Variants in GKAP1 observed in about 807,000 individuals in gnomAD.
GKAP1 encodes G kinase-anchoring protein 1.
Under a neutral mutation model 56.7 loss-of-function variants are expected in GKAP1, and 31 were observed. That is an observed-to-expected ratio of 0.55 (90% CI 0.41 to 0.74). The LOEUF is 0.74. Among genes scored for constraint, GKAP1 ranks in the 30% least tolerant of loss-of-function variants. The pLI is 0.00. For synonymous variants in GKAP1, 151 were observed against 138.6 expected (o/e 1.09, Z -0.63); for missense variants, 364 against 402.3 (o/e 0.90, Z 0.82).
At chr9:83,813,068 G>C (rs1203142767) in intron 2 of GKAP1, among the ~76,000 whole-genome samples, 1 of 152,052 alleles carries the variant, frequency 6.6e-6, no homozygotes, top group Non-Finnish European at 1.5e-5. Flanking sequence ...TCATGGCTAG[G>C]GTTAGTATTC....
chr9:83,771,685 GC>G (rs975158794), intron 7 of GKAP1, among the ~76,000 whole-genome samples: 42 of 152,206 alleles, frequency 2.8e-4, no homozygotes, highest in African/African-American at 8.9e-4. Flanking sequence ...ATGTGCGATT[GC>G]TAAGGGATAC....
chr9:83,812,259 GTA>G lies in GKAP1; in HGVS notation c.-44+4735_-44+4736del, dbSNP rs527375496. On this transcript the variant is annotated intron_variant, in intron 2 of 12. Transcript: ENST00000376371. ...TACATATATACGTATATATGTATAC[GTA>G]TATATACACATATATATACACATAT... is the stretch of plus-strand genomic sequence containing the variant. Among the ~76,000 whole-genome samples the G allele has an allele frequency of 4.2e-5, 6 of 141,910 alleles. 1 individual carries two copies. The East Asian group carries it at 1.2e-3, about 29-fold the overall frequency. 93.1% of individuals were successfully genotyped at this position (141,910 alleles called of 152,430 possible).
Position 83,806,580 on chromosome 9 carries a change from T to A in GKAP1, c.-43-20A>T. The A allele has an allele frequency of 7.5e-7, 1 of 1,340,972 alleles. No homozygotes were observed. The highest frequency in any genetic ancestry group is 1.1e-6 in the Non-Finnish European group (1 of 950,208). The allele number at this position is 1,340,972 out of a possible 1,614,324, so 83.1% of individuals were successfully genotyped here. A position where few individuals can be genotyped will look rare whatever the true frequency, so the allele number is the denominator to read the frequency against. On this transcript the variant is annotated intron_variant, in intron 2 of 12. Transcript: ENST00000376371. ...TAATTTCTGTGGGGAGGCAGAAGAG[T>A]AGGCAGATGGGTAAACAAACAGAGT...
chr9:83,752,672 C>A lies in GKAP1; in HGVS notation c.840+586G>T, dbSNP rs145103050. Among the ~76,000 whole-genome samples the A allele has an allele frequency of 3.7e-3, 560 of 152,176 alleles. 9 individuals carry two copies. The highest frequency in any genetic ancestry group is 0.013 in the African/African-American group (525 of 41,520). On this transcript the variant is annotated intron_variant, in intron 9 of 12. Transcript: ENST00000376371. ...ATACTGTGTATAAAGGTACTTAATG[C>A]CCCACTGAATTGTACACTTTAAATG...
At chr9:83,765,401 A>C (rs1341029495) in intron 8 of GKAP1, among the ~76,000 whole-genome samples, 1 of 152,220 alleles carries the variant, frequency 6.6e-6, no homozygotes, top group Non-Finnish European at 1.5e-5. Flanking sequence ...TGTGGAAGGG[A>C]AATGTGGGGT....
chr9:83,792,556 A>G (rs1334061808), intron 4 of GKAP1, among the ~76,000 whole-genome samples: 1 of 152,220 alleles, frequency 6.6e-6, no homozygotes, highest in Non-Finnish European at 1.5e-5. Flanking sequence ...GAAGTGTGAA[A>G]GAATCAAAGA....
At chr9:83,815,313 T>C (rs924631316) in intron 2 of GKAP1, among the ~76,000 whole-genome samples, 8 of 151,864 alleles carry the variant, frequency 5.3e-5, no homozygotes, top group African/African-American at 1.9e-4. Context: ...GGTCTCACTA[T>C]GTTGCCCAGG....
At chr9:83,763,793 C>G (rs1665311391) in intron 8 of GKAP1, among the ~76,000 whole-genome samples, 2 of 152,148 alleles carry the variant, frequency 1.3e-5, no homozygotes, top group African/African-American at 4.8e-5. Flanking sequence ...AAATAATAAT[C>G]TATAACTTTC....
chr9:83,782,515 C>G (rs369131039), intron 6 of GKAP1, among the ~76,000 whole-genome samples: 2 of 151,600 alleles, frequency 1.3e-5, no homozygotes, highest in Non-Finnish European at 2.9e-5. Context: ...TGCACCACTA[C>G]GCCCAGCTAA....
intron 6 of GKAP1, 61 bp from the exon 7 acceptor site, chr9:83,780,465 TAA>T (rs200663185): frequency 0.011 from 2,326 of 209,708 alleles, no homozygotes; most frequent in South Asian, 0.032. Context: ...TACAAAAATG[TAA>T]AAAAAAAAAA....
chr9:83,806,652 T>C, intron 2 of GKAP1, 92 bp from the exon 3 acceptor site: 1 of 703,226 alleles, frequency 1.4e-6, no homozygotes, highest in Non-Finnish European at 2.3e-6. Context: ...ATAAAATAAA[T>C]TTCTTCTGAC....
intron 7 of GKAP1, among the ~76,000 whole-genome samples, chr9:83,769,558 G>GT (rs1478648555): frequency 6.6e-6 from 1 of 152,170 alleles, no homozygotes; most frequent in Non-Finnish European, 1.5e-5. Flanking sequence ...TATATGGCTT[G>GT]TATCAGCACT....
intron 3 of GKAP1, among the ~76,000 whole-genome samples, chr9:83,804,420 C>A (rs1944395727): frequency 7.2e-6 from 1 of 138,282 alleles, no homozygotes; most frequent in Non-Finnish European, 1.6e-5. Flanking sequence ...CCCCGCCCGG[C>A]CAGCCACCCC....
intron 12 of GKAP1, among the ~76,000 whole-genome samples, chr9:83,740,160 T>C (rs929154549): frequency 2.0e-5 from 3 of 152,192 alleles, no homozygotes; most frequent in Admixed American, 6.5e-5. Flanking sequence ...TCAAGTTCTG[T>C]TGCGTTTTGC....
Position 83,739,635 on chromosome 9 carries a change from T to C in GKAP1, c.*62A>G, listed in dbSNP as rs1034296543. 2.0e-5 allele frequency: 27 copies of C among 1,366,830 alleles called. No individual in the cohort carries two copies. The highest frequency in any genetic ancestry group is 1.8e-4 in the Middle Eastern group (1 of 5,422). 84.7% of individuals were successfully genotyped at this position (1,366,830 alleles called of 1,614,324 possible). ...TTTAGCAGTTGCACAGCATTAAATA[T>C]ATACAACTTTGCAAAATCCTGGAAG... On this transcript the variant is annotated 3_prime_UTR_variant, in exon 13 of 13. Coordinates refer to ENST00000376371, the MANE Select transcript of GKAP1 (RefSeq NM_025211.4).
intron 7 of GKAP1, among the ~76,000 whole-genome samples, chr9:83,770,598 C>T (rs148237539): frequency 0.013 from 1,962 of 151,856 alleles, 38 homozygotes; most frequent in African/African-American, 0.045. Flanking sequence ...ACTCTTGTTG[C>T]CCAGGCGGAG....
At chr9:83,769,270 G>T (rs1374741254) in intron 7 of GKAP1, among the ~76,000 whole-genome samples, 1 of 152,084 alleles carries the variant, frequency 6.6e-6, no homozygotes, top group Non-Finnish European at 1.5e-5. Flanking sequence ...CCAATTTAAT[G>T]TGTACAAGAC....
At chr9:83,786,389 A>G (rs1209836087) in intron 5 of GKAP1, among the ~76,000 whole-genome samples, 1 of 152,120 alleles carries the variant, frequency 6.6e-6, no homozygotes, top group Non-Finnish European at 1.5e-5. Flanking sequence ...CTAAAAGTAC[A>G]AAATTAGCCA....
At chr9:83,759,834 A>G (rs1943539245) in intron 8 of GKAP1, among the ~76,000 whole-genome samples, 1 of 152,194 alleles carries the variant, frequency 6.6e-6, no homozygotes, top group Non-Finnish European at 1.5e-5. Context: ...CTGCAGTGAA[A>G]TTAATATTAC....
Sources: allele counts gnomAD v4.1 joint callset (sites outside exome capture counted in the v4.1 genomes callset), GRCh38; gene constraint gnomAD v4.1.1; transcripts MANE v1.5; gene names NCBI Gene and HGNC (gene_info 2026-07-23, HGNC 2026-07-21).